The following IL31RA variants were observed in gnomAD, a reference collection of about 807,000 sequenced individuals.
The protein encoded by IL31RA is interleukin 31 receptor A.
Under a neutral mutation model 83.7 loss-of-function variants are expected in IL31RA, and 66 were observed. The observed-to-expected ratio is 0.79, with a 90% confidence interval of 0.65 to 0.97. The LOEUF (loss-of-function observed/expected upper bound fraction) is 0.97. Ranked by LOEUF, IL31RA falls within the 50% of genes least tolerant of loss-of-function variation. The pLI is 0.00. For missense variants in IL31RA, 798 were observed against 919.4 expected (o/e 0.87, Z 1.71); for synonymous variants, 325 against 329.0 (o/e 0.99, Z 0.13).
chr5:55,890,967 T>G (rs902308782), intron 6 of IL31RA, among the ~76,000 whole-genome samples: 1 of 152,202 alleles, frequency 6.6e-6, no homozygotes. Flanking sequence ...TTCCTCGCAT[T>G]TATTCCCCTT....
Position 55,897,865 on chromosome 5 carries a change from A to G in IL31RA, c.852+1436A>G, listed in dbSNP as rs75472038. ...CCAGAATTCCCAGGAAATGCTCATGATGTTAGCTCATATTTGCTGAAGTCC... is the reference window on the plus strand; with the variant it reads ...CCAGAATTCCCAGGAAATGCTCATGGTGTTAGCTCATATTTGCTGAAGTCC... On this transcript the variant is annotated intron_variant, in intron 7 of 14. Transcript: ENST00000652347. 5.3e-3 allele frequency among the ~76,000 whole-genome samples: 807 copies of G among 152,340 alleles called. 11 individuals are homozygous for G. Among genetic ancestry groups the G allele is most frequent in the African/African-American group, 0.019 (779 of 41,578 alleles).
chr5:55,862,618 C>T (rs974970990), intron 2 of IL31RA, among the ~76,000 whole-genome samples: 3 of 151,984 alleles, frequency 2.0e-5, no homozygotes, highest in Non-Finnish European at 2.9e-5. Context: ...CATGTTGGCC[C>T]GGCTGGTCTC....
At position 55,865,854 on chromosome 5, in the gene IL31RA, TC is replaced by T. The variant is rs368300683; in HGVS notation, c.155-2935del. On this transcript the variant is annotated intron_variant, in intron 2 of 14. Transcript: ENST00000652347. ...TTGGGGTTCCTGCCTTGCCCTCTGC[TC>T]CTCCTTAAGATTGTGTCTGAATATA... Among the ~76,000 whole-genome samples, 439 of 152,272 alleles carry T rather than the reference TC, an allele frequency of 2.9e-3. 3 individuals carry two copies. The highest frequency in any genetic ancestry group is 0.01 in the African/African-American group (427 of 41,536).
intron 3 of IL31RA, among the ~76,000 whole-genome samples, chr5:55,871,067 C>T (rs1218081194): frequency 6.6e-6 from 1 of 152,180 alleles, no homozygotes; most frequent in African/African-American, 2.4e-5. Flanking sequence ...CTCATTTCAT[C>T]CTCATAACCC....
intron 5 of IL31RA, among the ~76,000 whole-genome samples, chr5:55,889,035 T>G (rs1259932643): frequency 6.6e-6 from 1 of 152,256 alleles, no homozygotes; most frequent in Non-Finnish European, 1.5e-5. Context: ...ACTAGTTAAA[T>G]AGACATGCCT....
intron 13 of IL31RA, 57 bp downstream of exon 13, chr5:55,913,627 G>A (rs368857365): frequency 9.5e-7 from 1 of 1,055,254 alleles, no homozygotes. Flanking sequence ...AGGGGTTGAA[G>A]TCATCATAGG....
At chr5:55,856,489 T>G (rs1247347147) in intron 1 of IL31RA, among the ~76,000 whole-genome samples, 1 of 152,220 alleles carries the variant, frequency 6.6e-6, no homozygotes, top group East Asian at 1.9e-4. Context: ...CTTTGGGAAT[T>G]TCTTATGGCC....
intron 4 of IL31RA, among the ~76,000 whole-genome samples, chr5:55,878,948 G>A (rs182554525): frequency 4.6e-5 from 7 of 151,880 alleles, no homozygotes; most frequent in African/African-American, 9.7e-5. Flanking sequence ...CACTATGCCC[G>A]GCCACAGCTG....
intron 1 of IL31RA, among the ~76,000 whole-genome samples, chr5:55,858,182 C>G (rs1321293042): frequency 6.6e-6 from 1 of 152,050 alleles, no homozygotes; most frequent in Non-Finnish European, 1.5e-5. Context: ...AACCGCTTGT[C>G]AGAATAGCAA....
At chr5:55,861,060 C>G (rs552409325) in intron 2 of IL31RA, among the ~76,000 whole-genome samples, 1 of 152,276 alleles carries the variant, frequency 6.6e-6, no homozygotes, top group Non-Finnish European at 1.5e-5. Flanking sequence ...ATTACCTCTT[C>G]AAGTGCTCTA....
intron 6 of IL31RA, among the ~76,000 whole-genome samples, chr5:55,894,021 C>T (rs1580712596): frequency 6.6e-6 from 1 of 152,154 alleles, no homozygotes; most frequent in Non-Finnish European, 1.5e-5. Flanking sequence ...TATTTCTAGT[C>T]AAGTGCCTGG....
the IL31RA span, chr5:55,840,004 C>A: frequency 3.8e-6 from 2 of 528,142 alleles, no homozygotes; most frequent in South Asian, 4.0e-5. Context: ...AACCCCTCGC[C>A]ACCTTTGGTG....
intron 12 of IL31RA, 67 bp downstream of exon 12, chr5:55,910,739 A>G (rs1369136178): frequency 1.3e-6 from 2 of 1,576,302 alleles, no homozygotes; most frequent in East Asian, 2.2e-5. Flanking sequence ...GAGAAATGAC[A>G]TCTGCCAAAA....
chr5:55,849,955 C>T (rs78967426), upstream of IL31RA, among the ~76,000 whole-genome samples: 1,326 of 152,130 alleles, frequency 8.7e-3, 17 homozygotes, highest in South Asian at 0.045. Context: ...GTTTCAAGAA[C>T]GTTGTTTTAC....
At position 55,853,447 on chromosome 5, in the gene IL31RA, G is replaced by A. The variant is rs1159485351; in HGVS notation, c.63+1814G>A. 4.5e-6 allele frequency: 7 copies of A among 1,539,060 alleles called. No homozygotes were observed. In the African/African-American group the frequency reaches 9.6e-5, roughly 21 times the overall value. ...GGAAACACTCCCACATCTTAGTGTG[G>A]ATAAATTAAAGTCCAGATTGTTCTT... On this transcript the variant is annotated intron_variant, in intron 1 of 14. Transcript: ENST00000652347.
At chr5:55,852,138 T>A (rs1745103457) in intron 1 of IL31RA, 1 of 153,668 alleles carries the variant, frequency 6.5e-6, no homozygotes, top group Non-Finnish European at 1.4e-5. Flanking sequence ...AGCTTTTCTC[T>A]ATAGTATATT....
chr5:55,853,132 A>T (rs181365473), intron 1 of IL31RA, among the ~76,000 whole-genome samples: 1 of 152,220 alleles, frequency 6.6e-6, no homozygotes, highest in African/African-American at 2.4e-5. Context: ...GTCTAAAGAC[A>T]GTTAACATGA....
intron 2 of IL31RA, among the ~76,000 whole-genome samples, chr5:55,866,348 A>G (rs1053082943): frequency 3.3e-5 from 5 of 151,816 alleles, no homozygotes; most frequent in African/African-American, 1.2e-4. Context: ...ATGGAAGACA[A>G]TTTTTCCATG....
intron 4 of IL31RA, among the ~76,000 whole-genome samples, chr5:55,881,481 C>T (rs975031644): frequency 6.6e-6 from 1 of 151,968 alleles, no homozygotes; most frequent in African/African-American, 2.4e-5. Flanking sequence ...ACTTCCGGCA[C>T]CTTGCGTCCC....
Sources: allele counts gnomAD v4.1 joint callset (sites outside exome capture counted in the v4.1 genomes callset), GRCh38; gene constraint gnomAD v4.1.1; transcripts MANE v1.5; gene names NCBI Gene and HGNC (gene_info 2026-07-23, HGNC 2026-07-21).